The following PHF3 variants were observed in gnomAD, a reference collection of about 807,000 sequenced individuals.
The protein encoded by PHF3 is PHD finger protein 3.
PHF3 carries 41 observed loss-of-function variants against 178.4 expected under a neutral mutation model. The ratio of observed to expected loss-of-function variants is 0.23; its 90% CI spans 0.18 to 0.30. The LOEUF (loss-of-function observed/expected upper bound fraction) is 0.30, where lower values mean the gene tolerates loss of function less well. Ranked by LOEUF, PHF3 falls within the 10% of genes least tolerant of loss-of-function variation. The probability of loss-of-function intolerance (pLI) is 1.00; values close to 1 mark genes in which losing one functional copy is unlikely to be tolerated. For missense variants in PHF3, 2,346 were observed against 2,398.1 expected (o/e 0.98, Z 0.45); for synonymous variants, 842 against 800.5 (o/e 1.05, Z -0.88).
intron 3 of PHF3, among the ~76,000 whole-genome samples, chr6:63,682,188 C>T (rs1766468117): frequency 6.6e-6 from 1 of 152,040 alleles, no homozygotes; most frequent in African/African-American, 2.4e-5. Context: ...GGCAGTTGCC[C>T]AACAAATGGA....
rs1299512836 is a variant in PHF3 at position 63,723,457 on chromosome 6, T to G, written c.*9749T>G. 1.3e-5 allele frequency among the ~76,000 whole-genome samples: 2 copies of G among 152,136 alleles called. No homozygotes were observed. The highest frequency in any genetic ancestry group is 1.3e-4 in the Admixed American group (2 of 15,272). On this transcript the variant is annotated 3_prime_UTR_variant, in exon 16 of 16. Transcript: ENST00000262043. ...AGATTATGGAGGAAGCTTTTCTTGC[T>G]CCTTGTGTTGTAGAGTGTTCCTGTA...
rs1305965573 is a variant in PHF3 at position 63,723,119 on chromosome 6, A to G, written c.*9411A>G. On this transcript the variant is annotated 3_prime_UTR_variant, in exon 16 of 16. Coordinates refer to ENST00000262043, the MANE Select transcript of PHF3 (RefSeq NM_001370348.2). ...GGGTTGTGGGTTGAGATGACTCAGA[A>G]TATTTCTCAAATAATAGTTTTAGCT... 6.6e-6 allele frequency among the ~76,000 whole-genome samples: 1 copy of G among 152,226 alleles called. No homozygotes were observed. Among genetic ancestry groups the G allele is most frequent in the African/African-American group, 2.4e-5 (1 of 41,456 alleles).
At chr6:63,700,535 TAC>T in intron 9 of PHF3, 69 bp downstream of exon 9, 2 of 831,712 alleles carry the variant, frequency 2.4e-6, no homozygotes, top group Non-Finnish European at 4.1e-6. Flanking sequence ...GTAAAAATTA[TAC>T]AGAGGTAAAT....
chr6:63,635,941 T>TTA lies in PHF3; in HGVS notation c.-234_-233dup. 2.5e-6 allele frequency: 1 copy of TTA among 397,418 alleles called. No individual in the cohort carries two copies. The highest frequency in any genetic ancestry group is 4.4e-6 in the Non-Finnish European group (1 of 225,468). The allele number at this position is 397,418 out of a possible 1,614,324, so 24.6% of individuals were successfully genotyped here. ...AGGGCGGCGGCGGCTGCAACGAGGA[T>TTA]TAGGAGGGCGGCGCGGAAGCCAAGA... On this transcript the variant is annotated 5_prime_UTR_variant, in exon 1 of 16. It introduces an in-frame stop codon into an upstream open reading frame of the 5' UTR. Coordinates refer to ENST00000262043, the MANE Select transcript of PHF3 (RefSeq NM_001370348.2).
Position 63,713,043 on chromosome 6 carries a change from G to C in PHF3, c.5455G>C (p.Gly1819Arg). Residue 1819 changes from glycine to arginine, a missense_variant, in exon 16 of 16, where the codon GGG becomes CGG. Physicochemically the swap from Gly to Arg is moderately radical, Grantham distance 125 (BLOSUM62 -2). Transcript: ENST00000262043. The stretch of plus-strand genomic sequence containing the variant: ...TAGCCCACCTGGATTTCCATTTCCA[G>C]GGCCTCCTAATTTTCCCCCACAAAG... ...KSSPPGFPFP[G>R]PPNFPPQSMF... is the part of the protein sequence containing the mutation. 1.2e-6 allele frequency: 2 copies of C among 1,613,904 alleles called. No individual in the cohort carries two copies. The highest frequency in any genetic ancestry group is 1.7e-5 in the Admixed American group (1 of 59,994).
At chr6:63,645,502 GA>G (rs1764746760) in intron 1 of PHF3, among the ~76,000 whole-genome samples, 1 of 152,142 alleles carries the variant, frequency 6.6e-6, no homozygotes, top group Non-Finnish European at 1.5e-5. Context: ...TAGGGGGAGA[GA>G]ATTCAAGACT....
intron 1 of PHF3, among the ~76,000 whole-genome samples, chr6:63,646,118 T>C (rs1764774395): frequency 6.6e-6 from 1 of 152,194 alleles, no homozygotes. Flanking sequence ...TTTAGCTCTT[T>C]TATGTGGACT....
rs1248881241 is a variant in PHF3 at position 63,719,906 on chromosome 6, G to A, written c.*6198G>A. On this transcript the variant is annotated 3_prime_UTR_variant, in exon 16 of 16. Coordinates refer to ENST00000262043, the MANE Select transcript of PHF3 (RefSeq NM_001370348.2). ...ATTCTTTTAGATATTTAGGATATTT[G>A]CCTTCATGTTTGTGATATGCATATG... 1 of 151,964 alleles carries A rather than the reference G, an allele frequency of 6.6e-6. No individual in the cohort carries two copies. The highest frequency in any genetic ancestry group is 1.5e-5 in the Non-Finnish European group (1 of 67,944). 9.4% of individuals were successfully genotyped at this position (151,964 alleles called of 1,614,324 possible).
At chr6:63,696,207 CAT>C (rs1019883896) in intron 6 of PHF3, among the ~76,000 whole-genome samples, 6 of 152,180 alleles carry the variant, frequency 3.9e-5, no homozygotes, top group Non-Finnish European at 7.4e-5. Flanking sequence ...TCAAGCATTT[CAT>C]ATAAGGGCAT....
At chr6:63,683,411 CTT>C (rs1766527539) in intron 3 of PHF3, among the ~76,000 whole-genome samples, 2 of 151,924 alleles carry the variant, frequency 1.3e-5, no homozygotes, top group South Asian at 2.1e-4. Flanking sequence ...AAATGAAACT[CTT>C]TTCATTTAAT....
intron 2 of PHF3, among the ~76,000 whole-genome samples, chr6:63,671,002 G>C (rs1166154778): frequency 6.6e-6 from 1 of 152,040 alleles, no homozygotes; most frequent in East Asian, 1.9e-4. Flanking sequence ...TGAGTAAATG[G>C]AACTGAAATG....
Position 63,684,580 on chromosome 6 carries a change from T to C in PHF3, c.858T>C (p.Phe286=), listed in dbSNP as rs202212437. 6 of 1,613,974 alleles carry C rather than the reference T, an allele frequency of 3.7e-6. No homozygotes were observed. In the East Asian group the frequency reaches 1.3e-4, roughly 36 times the overall value. Residue 286 remains phenylalanine (F), a synonymous_variant, in exon 4 of 16, where the codon TTT becomes TTC. Transcript: ENST00000262043. The part of the protein sequence containing the change: ...CKAKPVGSPL[F]KFSDKEEHEQ... ...CCAAGCCTGTTGGTAGTCCATTGTTTAAGTTTTCAGATAAAGAAGAACATG... is the reference window on the plus strand; with the variant it reads ...CCAAGCCTGTTGGTAGTCCATTGTTCAAGTTTTCAGATAAAGAAGAACATG...
Position 63,685,325 on chromosome 6 carries a change from C to A in PHF3, c.1603C>A (p.Pro535Thr). Reference protein sequence around the residue: ...VKSVKRNTDVPESQQNFHRPV... With the variant: ...VKSVKRNTDVTESQQNFHRPV... The stretch of plus-strand genomic sequence containing the variant: ...AAGTGTGAAACGAAATACTGATGTA[C>A]CAGAATCTCAGCAAAATTTTCATAG... The change falls in exon 4 of 16, where the codon CCA becomes ACA. Residue 535 changes from proline (P) to threonine (T), a missense_variant. Physicochemically the swap from Pro to Thr is conservative, Grantham distance 38. Around this residue, in one of 8 missense-constraint regions of PHF3, gnomAD observed 843 missense variants for 795.2 expected, o/e 1.06. Transcript: ENST00000262043. 6.2e-7 allele frequency: 1 copy of A among 1,613,786 alleles called. No homozygotes were observed. Among genetic ancestry groups the A allele is most frequent in the Non-Finnish European group, 8.5e-7 (1 of 1,179,922 alleles).
At chr6:63,657,869 T>C in intron 2 of PHF3, among the ~76,000 whole-genome samples, 1 of 152,248 alleles carries the variant, frequency 6.6e-6, no homozygotes, top group Non-Finnish European at 1.5e-5. Context: ...TTACAGTGAA[T>C]AGGAAATCTA....
At chr6:63,676,022 TG>T (rs1444559621) in intron 2 of PHF3, among the ~76,000 whole-genome samples, 1 of 152,198 alleles carries the variant, frequency 6.6e-6, no homozygotes, top group Admixed American at 6.5e-5. Context: ...TGCTTTACCT[TG>T]ATGCATCTTT....
Position 63,684,247 on chromosome 6 carries a change from A to C in PHF3, c.525A>C (p.Gln175His). Reference protein sequence around the residue: ...TVSTAKAGVKQPERSQVKEEV... With the variant: ...TVSTAKAGVKHPERSQVKEEV... ...CTACTGCTAAAGCAGGAGTGAAACA[A>C]CCAGAAAGGAGTCAGGTTAAAGAAG... Residue 175 changes from glutamine to histidine, a missense_variant, in exon 4 of 16, where the codon CAA becomes CAC. By Grantham distance (24) the Gln-to-His change is conservative. This residue lies in a region of PHF3 where 843 missense variants were observed against 795.2 expected (regional missense o/e 1.06). Transcript: ENST00000262043. The C allele has an allele frequency of 6.2e-7, 1 of 1,614,040 alleles. No individual in the cohort carries two copies. Among genetic ancestry groups the C allele is most frequent in the Non-Finnish European group, 8.5e-7 (1 of 1,179,908 alleles).
At chr6:63,708,174 G>A (rs1199436139) in intron 13 of PHF3, among the ~76,000 whole-genome samples, 1 of 152,042 alleles carries the variant, frequency 6.6e-6, no homozygotes, top group Non-Finnish European at 1.5e-5. Flanking sequence ...GCCTAGCAGT[G>A]TGTTTTCGAT....
chr6:63,678,073 A>G lies in PHF3; in HGVS notation c.245-1927A>G, dbSNP rs985210352. ...CCCCGTCTCTACTAAAAATACAAAA[A>G]TTAGCTGGGCATGATGGCACACACC... On this transcript the variant is annotated intron_variant, in intron 2 of 15. Coordinates refer to ENST00000262043, the MANE Select transcript of PHF3 (RefSeq NM_001370348.2). Among the ~76,000 whole-genome samples, 20 of 152,118 alleles carry G rather than the reference A, an allele frequency of 1.3e-4. No individual in the cohort carries two copies. The South Asian group carries it at 1.9e-3, about 14-fold the overall frequency.
rs548705343 is a variant in PHF3 at position 63,686,016 on chromosome 6, A to G, written c.2189+105A>G. The G allele has an allele frequency of 9.4e-5, 69 of 736,732 alleles. No individual in the cohort carries two copies. In the African/African-American group the frequency reaches 1.0e-3, roughly 11 times the overall value. 45.6% of individuals were successfully genotyped at this position (736,732 alleles called of 1,614,324 possible). On this transcript the variant is annotated intron_variant, in intron 4 of 15. Transcript: ENST00000262043. ...GTTTTAAAGACATTATTTGATACAC[A>G]GAGACCTGTGCAAAAACAAAAAGCT...
Sources: allele counts gnomAD v4.1 joint callset (sites outside exome capture counted in the v4.1 genomes callset), GRCh38; gene constraint gnomAD v4.1.1; regional missense constraint gnomAD v4.1.1; transcripts MANE v1.5; gene names NCBI Gene and HGNC (gene_info 2026-07-23, HGNC 2026-07-21).